Variants in ANKS6 observed in about 807,000 individuals in gnomAD.
The protein encoded by ANKS6 is ankyrin repeat and sterile alpha motif domain containing 6, also known as ankyrin repeat and SAM domain-containing protein 6.
ANKS6 carries 47 observed loss-of-function variants against 77.9 expected under a neutral mutation model. The observed-to-expected ratio is 0.60, with a 90% confidence interval of 0.48 to 0.77. The LOEUF (loss-of-function observed/expected upper bound fraction) is 0.77, where lower values mean the gene tolerates loss of function less well. Ranked by LOEUF, ANKS6 falls within the 30% of genes least tolerant of loss-of-function variation. The pLI, the probability that ANKS6 is intolerant of heterozygous loss-of-function variation, is 0.00. For synonymous variants in ANKS6, 488 were observed against 501.7 expected (o/e 0.97, Z 0.37); for missense variants, 1,150 against 1,159.1 (o/e 0.99, Z 0.11).
intron 10 of ANKS6, among the ~76,000 whole-genome samples, chr9:98,770,233 G>A (rs901660322): frequency 6.6e-6 from 1 of 152,132 alleles, no homozygotes; most frequent in East Asian, 1.9e-4. Context: ...CCTGTGCCAC[G>A]TAAGATGTGC....
chr9:98,762,537 C>A (rs1310223307), intron 11 of ANKS6, among the ~76,000 whole-genome samples: 1 of 151,968 alleles, frequency 6.6e-6, no homozygotes, highest in Non-Finnish European at 1.5e-5. Flanking sequence ...CAAGTATAAT[C>A]CTGGCTATAT....
intron 2 of ANKS6, among the ~76,000 whole-genome samples, chr9:98,785,298 CCT>C (rs1442686856): frequency 5.9e-5 from 9 of 152,178 alleles, no homozygotes; most frequent in Non-Finnish European, 8.8e-5. Context: ...TCAGAGGACC[CCT>C]GAGATATCGA....
rs559024302 is a variant in ANKS6 at position 98,756,871 on chromosome 9, G to A, written c.2143-268C>T. ...ACCACCCCGCTCCCCACCCCGCCCC[G>A]CTCCCCCAATCCCAGTCCTGCCCTC... On this transcript the variant is annotated intron_variant, in intron 11 of 14. Coordinates refer to ENST00000353234, the MANE Select transcript of ANKS6 (RefSeq NM_173551.5). Among the ~76,000 whole-genome samples, 9 of 66,372 alleles carry A rather than the reference G, an allele frequency of 1.4e-4. No individual in the cohort carries two copies. In the South Asian group the frequency reaches 2.4e-3, roughly 18 times the overall value. The allele number at this position is 66,372 out of a possible 152,430, so 43.5% of individuals were successfully genotyped here. A position where few individuals can be genotyped will look rare whatever the true frequency, so the allele number is the denominator to read the frequency against.
intron 13 of ANKS6, among the ~76,000 whole-genome samples, chr9:98,749,289 C>G (rs374168706): frequency 4.6e-5 from 7 of 152,356 alleles, no homozygotes; most frequent in African/African-American, 9.6e-5. Flanking sequence ...CCAGTGGCTG[C>G]CAGCCCTCCC....
At chr9:98,775,451 A>G (rs887567465) in intron 8 of ANKS6, among the ~76,000 whole-genome samples, 2 of 152,250 alleles carry the variant, frequency 1.3e-5, no homozygotes, top group African/African-American at 4.8e-5. Context: ...ATGTGGCTAC[A>G]TGGTGTTTTA....
At chr9:98,742,795 T>C (rs1831909561) in intron 14 of ANKS6, among the ~76,000 whole-genome samples, 1 of 109,922 alleles carries the variant, frequency 9.1e-6, no homozygotes, top group Non-Finnish European at 1.7e-5. Flanking sequence ...CTTCACCTGA[T>C]GGGGCCTGTT....
intron 2 of ANKS6, among the ~76,000 whole-genome samples, chr9:98,789,432 A>AG (rs1834765360): frequency 6.6e-6 from 1 of 151,590 alleles, no homozygotes; most frequent in Non-Finnish European, 1.5e-5. Flanking sequence ...AGAAGTTAAA[A>AG]AAAAAAAAAA....
intron 14 of ANKS6, among the ~76,000 whole-genome samples, chr9:98,742,775 G>A (rs1195790877): frequency 7.6e-6 from 1 of 132,442 alleles, no homozygotes; most frequent in Non-Finnish European, 1.5e-5. Context: ...ACTAACAGCT[G>A]TCCCTTCTGC....
Position 98,736,263 on chromosome 9 carries a change from C to T in ANKS6, c.*256G>A. On this transcript the variant is annotated 3_prime_UTR_variant, in exon 15 of 15. Coordinates refer to ENST00000353234, the MANE Select transcript of ANKS6 (RefSeq NM_173551.5). ...CAGGATGAAAGGAGCTGAGTCCCTG[C>T]ATCACTGTGTGAACCAACCTGCCAA... The T allele has an allele frequency of 7.6e-7, 1 of 1,323,716 alleles. No homozygotes were observed. Among genetic ancestry groups the T allele is most frequent in the Non-Finnish European group, 9.6e-7 (1 of 1,039,998 alleles). The allele number at this position is 1,323,716 out of a possible 1,614,324, so 82.0% of individuals were successfully genotyped here. A position where few individuals can be genotyped will look rare whatever the true frequency, so the allele number is the denominator to read the frequency against.
chr9:98,764,649 T>C (rs1833176917), intron 11 of ANKS6, among the ~76,000 whole-genome samples: 1 of 152,202 alleles, frequency 6.6e-6, no homozygotes, highest in South Asian at 2.1e-4. Flanking sequence ...GCCTCAAGTC[T>C]ACTGAGGTGC....
intron 1 of ANKS6, among the ~76,000 whole-genome samples, chr9:98,793,180 C>T (rs1289379361): frequency 2.0e-5 from 3 of 152,194 alleles, no homozygotes; most frequent in African/African-American, 7.2e-5. Flanking sequence ...AAGGTAAACA[C>T]TATGCAACCC....
At chr9:98,782,432 G>C in intron 5 of ANKS6, 35 bp downstream of exon 5, 1 of 1,579,464 alleles carries the variant, frequency 6.3e-7, no homozygotes, top group South Asian at 1.1e-5. Context: ...AGAAACGCTG[G>C]GTAGATTTAC....
rs760937764 is a variant in ANKS6 at position 98,784,810 on chromosome 9, A to C, written c.907+22T>G. 4.4e-6 allele frequency: 7 copies of C among 1,608,420 alleles called. No individual in the cohort carries two copies. In the East Asian group the frequency reaches 1.3e-4, roughly 31 times the overall value. ...TAGCCCTATATTCTTAAATATCCAA[A>C]AAGATTTTCTAAAGCGCTTACCCAT... On this transcript the variant is annotated intron_variant, in intron 3 of 14. Coordinates refer to ENST00000353234, the MANE Select transcript of ANKS6 (RefSeq NM_173551.5).
rs146896129 is a variant in ANKS6 at position 98,737,218 on chromosome 9, C to T, written c.2512-595G>A. 7.4e-3 allele frequency among the ~76,000 whole-genome samples: 1,128 copies of T among 152,266 alleles called. 22 individuals are homozygous for T. The highest frequency in any genetic ancestry group is 0.035 in the Admixed American group (533 of 15,292). Reference sequence around the variant, plus strand: ...CATCACTGCATTCCAGGCTCGGAGGCAGCAATACTCAGAGGTTAAGAACAG... The same window carrying T: ...CATCACTGCATTCCAGGCTCGGAGGTAGCAATACTCAGAGGTTAAGAACAG... On this transcript the variant is annotated intron_variant, in intron 14 of 14. Transcript: ENST00000353234.
chr9:98,738,576 TA>T (rs756331864), intron 14 of ANKS6, among the ~76,000 whole-genome samples: 1 of 110,018 alleles, frequency 9.1e-6, no homozygotes, highest in Non-Finnish European at 1.9e-5. Flanking sequence ...AACAAAAAAA[TA>T]AAATAAAAAA....
intron 3 of ANKS6, chr9:98,784,379 C>G (rs1834450282): frequency 2.2e-6 from 1 of 462,178 alleles, no homozygotes; most frequent in Admixed American, 3.9e-5. Flanking sequence ...AGAAGTGTTA[C>G]CAAAAGACAG....
At chr9:98,770,787 T>C in intron 10 of ANKS6, 109 bp downstream of exon 10, 4 of 1,154,692 alleles carry the variant, frequency 3.5e-6, no homozygotes, top group South Asian at 4.3e-5. Flanking sequence ...AAAGTGCCTC[T>C]TGCGTGGTCA....
chr9:98,796,512 C>A lies in ANKS6; in HGVS notation c.-21G>T, dbSNP rs1408806294. ...CCCATCGCCGCCGCCACGCGCGGCC[C>A]GCTCCCGTCCGCCCCGCCGGCCGCG... On this transcript the variant is annotated 5_prime_UTR_variant, in exon 1 of 15. Transcript: ENST00000353234. The A allele has an allele frequency of 2.0e-5, 20 of 984,246 alleles. No individual in the cohort carries two copies. Among genetic ancestry groups the A allele is most frequent in the South Asian group, 4.5e-5 (1 of 22,054 alleles). 61.0% of individuals were successfully genotyped at this position (984,246 alleles called of 1,614,324 possible).
chr9:98,768,003 C>T (rs947091010), intron 11 of ANKS6, 78 bp downstream of exon 11: 38 of 1,506,820 alleles, frequency 2.5e-5, no homozygotes, highest in Non-Finnish European at 3.4e-5. Context: ...TAAGGCACTG[C>T]CCATGCTTCC....
Sources: gnomAD v4.1 joint callset for allele counts (sites outside exome capture counted in the v4.1 genomes callset) on GRCh38, gnomAD v4.1.1 for gene constraint, MANE v1.5 for transcripts, NCBI Gene and HGNC (gene_info 2026-07-23, HGNC 2026-07-21) for gene names.